The following PDS5B variants were observed in gnomAD, a reference collection of about 807,000 sequenced individuals.
PDS5B encodes sister chromatid cohesion protein PDS5 homolog B.
PDS5B carries 51 observed loss-of-function variants against 184.1 expected under a neutral mutation model. That is an observed-to-expected ratio of 0.28 (90% confidence interval 0.22 to 0.35). PDS5B has a LOEUF of 0.35. Among genes scored for constraint, PDS5B ranks in the 10% least tolerant of loss-of-function variants. The pLI, the probability that PDS5B is intolerant of heterozygous loss-of-function variation, is 1.00. For synonymous variants in PDS5B, 566 were observed against 569.2 expected (o/e 0.99, Z 0.08); for missense variants, 1,180 against 1,723.3 (o/e 0.68, Z 5.58).
intron 19 of PDS5B, among the ~76,000 whole-genome samples, chr13:32,723,757 A>G (rs1009431222): frequency 6.6e-6 from 1 of 152,242 alleles, no homozygotes; most frequent in African/African-American, 2.4e-5. Flanking sequence ...GGTCTTATCT[A>G]TGAAGTTTAG....
intron 28 of PDS5B, 102 bp downstream of exon 28, chr13:32,758,755 C>CT: frequency 9.0e-7 from 1 of 1,109,480 alleles, no homozygotes; most frequent in South Asian, 1.4e-5. Flanking sequence ...TGCTGTGAGT[C>CT]TTAAGAATGT....
intron 24 of PDS5B, among the ~76,000 whole-genome samples, chr13:32,748,464 CT>C (rs370828607): frequency 0.079 from 11,139 of 141,722 alleles, 789 homozygotes; most frequent in African/African-American, 0.2. Flanking sequence ...GGCTCTTCCT[CT>C]TTTTTTTTTT....
chr13:32,768,792 C>CA (rs71194535), intron 31 of PDS5B, among the ~76,000 whole-genome samples: 2,803 of 46,056 alleles, frequency 0.061, 53 homozygotes, highest in Non-Finnish European at 0.076. Context: ...GACTCTGTCT[C>CA]AAAAAAAAAA....
At chr13:32,723,556 G>A (rs1001801156) in intron 19 of PDS5B, among the ~76,000 whole-genome samples, 1 of 151,948 alleles carries the variant, frequency 6.6e-6, no homozygotes, top group Non-Finnish European at 1.5e-5. Flanking sequence ...TTTTCTTTAT[G>A]TTCATTGTTT....
At position 32,687,148 on chromosome 13, in the gene PDS5B, A is replaced by G; in HGVS notation, c.1218A>G (p.Lys406=). The G allele has an allele frequency of 6.2e-7, 1 of 1,603,634 alleles. No individual in the cohort carries two copies. Residue 406 remains lysine, a synonymous_variant, in exon 12 of 35, where the codon AAA becomes AAG. Transcript: ENST00000315596. ...TTGTTTTTAAGTGGAGAGTACGCAAAGAAGCCATGATGGGACTTGCCCAAA... is the reference window on the plus strand; with the variant it reads ...TTGTTTTTAAGTGGAGAGTACGCAAGGAAGCCATGATGGGACTTGCCCAAA... ...RTLDKRWRVR[K]EAMMGLAQIY...
At chr13:32,645,440 C>T (rs539459190) in intron 1 of PDS5B, among the ~76,000 whole-genome samples, 1 of 152,276 alleles carries the variant, frequency 6.6e-6, no homozygotes, top group East Asian at 1.9e-4. Flanking sequence ...GTAAAGCCAT[C>T]TAGACTTGGA....
chr13:32,665,718 A>G (rs2140730310), intron 6 of PDS5B, among the ~76,000 whole-genome samples: 1 of 152,232 alleles, frequency 6.6e-6, no homozygotes, highest in East Asian at 1.9e-4. Context: ...ATTACATTAA[A>G]AATAAAAGCT....
chr13:32,758,310 A>G, intron 27 of PDS5B, 91 bp downstream of exon 27: 1 of 1,124,420 alleles, frequency 8.9e-7, no homozygotes, highest in East Asian at 2.6e-5. Context: ...TATAGATAGC[A>G]TCAAATAATT....
intron 1 of PDS5B, among the ~76,000 whole-genome samples, chr13:32,603,928 A>G (rs982446923): frequency 1.3e-5 from 2 of 152,214 alleles, no homozygotes; most frequent in Non-Finnish European, 2.9e-5. Context: ...TTGATTTTGT[A>G]TCCTGAGACT....
At chr13:32,615,985 T>C (rs946441679) in intron 1 of PDS5B, among the ~76,000 whole-genome samples, 8 of 152,134 alleles carry the variant, frequency 5.3e-5, no homozygotes, top group African/African-American at 1.9e-4. Flanking sequence ...CTATGAAACA[T>C]AGCTATATGT....
chr13:32,722,799 G>A (rs866240585), intron 19 of PDS5B, among the ~76,000 whole-genome samples: 5 of 152,234 alleles, frequency 3.3e-5, no homozygotes, highest in Non-Finnish European at 1.5e-5. Context: ...AGGTGGAGGA[G>A]CCCTGTCAGT....
intron 24 of PDS5B, among the ~76,000 whole-genome samples, chr13:32,753,125 C>A (rs11620247): frequency 6.6e-6 from 1 of 152,110 alleles, no homozygotes; most frequent in Admixed American, 6.6e-5. Context: ...TCTAACACAT[C>A]TAACTGGTAC....
rs750427249 is a variant in PDS5B, at chr13:32,675,830, G to C, written c.847-14G>C. 4.7e-6 allele frequency: 7 copies of C among 1,482,620 alleles called. No individual in the cohort carries two copies. Among genetic ancestry groups the C allele is most frequent in the Non-Finnish European group, 6.6e-6 (7 of 1,060,574 alleles). The allele number at this position is 1,482,620 out of a possible 1,614,324, so 91.8% of individuals were successfully genotyped here. ...ACTGCATGGTTTTAAAGCTGTGATT[G>C]TGTTTTATTTTAGAGCAATGATAAT... On this transcript the variant is annotated splice_polypyrimidine_tract_variant and intron_variant, in intron 8 of 34. Coordinates refer to ENST00000315596, the MANE Select transcript of PDS5B (RefSeq NM_015032.4).
At chr13:32,636,249 G>A (rs2058556574) in intron 1 of PDS5B, among the ~76,000 whole-genome samples, 1 of 152,136 alleles carries the variant, frequency 6.6e-6, no homozygotes, top group South Asian at 2.1e-4. Context: ...TACTTTTATA[G>A]AATTTTGAAG....
intron 19 of PDS5B, 99 bp downstream of exon 19, chr13:32,710,205 A>C (rs1593479751): frequency 2.5e-6 from 2 of 788,994 alleles, no homozygotes; most frequent in South Asian, 3.8e-5. Context: ...TTGAGGAAAA[A>C]CTGTCTAGGT....
At chr13:32,688,731 C>A (rs1951464968) in intron 13 of PDS5B, 162 bp downstream of exon 13, 1 of 575,678 alleles carries the variant, frequency 1.7e-6, no homozygotes, top group Admixed American at 2.9e-5. Context: ...TCAGAAAGTA[C>A]CACTTTAAAC....
At chr13:32,762,986 A>C (rs1332400270) in intron 30 of PDS5B, among the ~76,000 whole-genome samples, 1 of 152,150 alleles carries the variant, frequency 6.6e-6, no homozygotes, top group African/African-American at 2.4e-5. Flanking sequence ...AAAGTATCCT[A>C]ATTTATACTT....
intron 24 of PDS5B, among the ~76,000 whole-genome samples, chr13:32,753,074 A>G (rs1026054105): frequency 6.6e-6 from 1 of 152,144 alleles, no homozygotes; most frequent in Non-Finnish European, 1.5e-5. Context: ...GGGCAGATTT[A>G]TATTTACTAG....
chr13:32,636,371 A>T (rs2058559479), intron 1 of PDS5B, among the ~76,000 whole-genome samples: 1 of 152,246 alleles, frequency 6.6e-6, no homozygotes, highest in Non-Finnish European at 1.5e-5. Context: ...TAGTAGGCAG[A>T]ATTAGCACTA....
Sources: allele counts gnomAD v4.1 joint callset (sites outside exome capture counted in the v4.1 genomes callset), GRCh38; gene constraint gnomAD v4.1.1; transcripts MANE v1.5; gene names NCBI Gene and HGNC (gene_info 2026-07-23, HGNC 2026-07-21).